Variants in FGF14 observed in about 807,000 individuals in gnomAD.
FGF14 encodes the protein fibroblast growth factor 14.
A neutral mutation model predicts 25.5 loss-of-function variants in FGF14; 5 were observed. That is an observed-to-expected ratio of 0.20 (90% CI 0.10 to 0.41). The LOEUF (loss-of-function observed/expected upper bound fraction) is 0.41. Ranked by LOEUF, FGF14 falls within the 10% of genes least tolerant of loss-of-function variation. The pLI, the probability that FGF14 is intolerant of heterozygous loss-of-function variation, is 1.00. For missense variants in FGF14, 222 were observed against 320.1 expected (o/e 0.69, Z 2.34); for synonymous variants, 138 against 118.3 (o/e 1.17, Z -1.08).
chr13:102,226,852 C>T (rs566154722), intron 1 of FGF14, among the ~76,000 whole-genome samples: 1 of 152,108 alleles, frequency 6.6e-6, no homozygotes, highest in Non-Finnish European at 1.5e-5. Context: ...TTTAACCACA[C>T]ATTCTACCTT....
rs972331522 is a variant in FGF14, at chr13:101,714,282, G to T, written c.*8549C>A. 7 of 622,760 alleles carry T rather than the reference G, an allele frequency of 1.1e-5. No homozygotes were observed. The highest frequency in any genetic ancestry group is 2.0e-5 in the Non-Finnish European group (7 of 346,664). 38.6% of individuals were successfully genotyped at this position (622,760 alleles called of 1,614,324 possible). On this transcript the variant is annotated 3_prime_UTR_variant, in exon 5 of 5. Coordinates refer to ENST00000376143, the MANE Select transcript of FGF14 (RefSeq NM_004115.4). Reference sequence around the variant, plus strand: ...GGGTGACCTTTATGAATTACAGTAAGTAAAGCTCCCCTCTGAGAAACCAGC... The same window carrying T: ...GGGTGACCTTTATGAATTACAGTAATTAAAGCTCCCCTCTGAGAAACCAGC...
rs1367750076 is a variant in FGF14, at chr13:102,378,623, C to CTATA, written c.208+22847_208+22848insTATA. Among the ~76,000 whole-genome samples, 175 of 124,342 alleles carry CTATA rather than the reference C, an allele frequency of 1.4e-3. 3 individuals are homozygous for CTATA. The highest frequency in any genetic ancestry group is 5.0e-3 in the African/African-American group (127 of 25,248). The allele number at this position is 124,342 out of a possible 152,430, so 81.6% of individuals were successfully genotyped here. ...TCTATCTATCTATCTATCTATCTATCTATCTATCTATATATATATATATCT... is the reference window on the plus strand; with the variant it reads ...TCTATCTATCTATCTATCTATCTATCTATATATCTATCTATATATATATATATCT... On this transcript the variant is annotated intron_variant, in intron 1 of 4. Transcript: ENST00000376131.
chr13:101,796,893 A>T (rs758272999), intron 3 of FGF14, among the ~76,000 whole-genome samples: 24 of 152,000 alleles, frequency 1.6e-4, no homozygotes, highest in Non-Finnish European at 2.5e-4. Flanking sequence ...CATTCAAGCT[A>T]TTGCTCTACT....
At chr13:102,275,262 TTCTC>T (rs56028235) in intron 1 of FGF14, among the ~76,000 whole-genome samples, 29 of 68,948 alleles carry the variant, frequency 4.2e-4, no homozygotes, top group South Asian at 2.2e-3. Flanking sequence ...CTCTCTCTCT[TTCTC>T]TCTCTCTCTC....
chr13:101,977,334 GA>G (rs199908938), intron 1 of FGF14, among the ~76,000 whole-genome samples: 3 of 149,992 alleles, frequency 2.0e-5, no homozygotes, highest in African/African-American at 4.9e-5. Flanking sequence ...GAGTTGCAGT[GA>G]AAAAAAAATG....
intron 1 of FGF14, chr13:102,045,857 T>G (rs1004053187): frequency 1.3e-5 from 2 of 152,624 alleles, no homozygotes; most frequent in African/African-American, 4.8e-5. Context: ...ACTACAGCAT[T>G]AAGCATGTCA....
intron 1 of FGF14, among the ~76,000 whole-genome samples, chr13:102,020,318 G>A (rs1287986380): frequency 2.0e-5 from 3 of 152,174 alleles, no homozygotes; most frequent in Admixed American, 1.3e-4. Flanking sequence ...GGAGGCTGAG[G>A]CGGGCAGATC....
intron 3 of FGF14, among the ~76,000 whole-genome samples, chr13:101,766,559 G>A (rs1006792004): frequency 6.6e-6 from 1 of 152,198 alleles, no homozygotes; most frequent in Non-Finnish European, 1.5e-5. Flanking sequence ...GTGTTGAACA[G>A]CATCAAAAGC....
chr13:102,059,141 C>G (rs559214396), intron 1 of FGF14, among the ~76,000 whole-genome samples: 4 of 152,012 alleles, frequency 2.6e-5, no homozygotes, highest in Non-Finnish European at 4.4e-5. Context: ...AGACCTAGAG[C>G]AGATTGAATG....
At chr13:102,345,956 T>A (rs935419834) in intron 1 of FGF14, among the ~76,000 whole-genome samples, 1 of 152,156 alleles carries the variant, frequency 6.6e-6, no homozygotes, top group Non-Finnish European at 1.5e-5. Flanking sequence ...AGGACAACAA[T>A]GGGGAGAGTT....
intron 1 of FGF14, among the ~76,000 whole-genome samples, chr13:101,905,901 T>C (rs963303763): frequency 1.3e-5 from 2 of 152,136 alleles, no homozygotes; most frequent in African/African-American, 2.4e-5. Flanking sequence ...TATGAGTTCC[T>C]GGAAAAATTC....
At chr13:102,098,114 C>T (rs1024411198) in intron 1 of FGF14, among the ~76,000 whole-genome samples, 2 of 152,144 alleles carry the variant, frequency 1.3e-5, no homozygotes, top group Non-Finnish European at 2.9e-5. Context: ...TTGGACCTGC[C>T]CTAATTCTGC....
At chr13:101,866,095 C>A (rs997687447) in intron 3 of FGF14, among the ~76,000 whole-genome samples, 2 of 151,986 alleles carry the variant, frequency 1.3e-5, no homozygotes, top group South Asian at 4.2e-4. Context: ...AAAATTAATA[C>A]CCATAATATA....
chr13:102,200,545 A>C (rs900425626), intron 1 of FGF14, among the ~76,000 whole-genome samples: 1 of 152,162 alleles, frequency 6.6e-6, no homozygotes, highest in Non-Finnish European at 1.5e-5. Flanking sequence ...TATATGTTAG[A>C]AAAACGTCAA....
chr13:101,744,257 A>G (rs534340249), intron 3 of FGF14, among the ~76,000 whole-genome samples: 1 of 152,074 alleles, frequency 6.6e-6, no homozygotes, highest in East Asian at 1.9e-4. Flanking sequence ...TAAAAATCCT[A>G]CAGATCTACA....
chr13:101,937,171 T>G (rs557955335), intron 1 of FGF14, among the ~76,000 whole-genome samples: 10 of 152,218 alleles, frequency 6.6e-5, no homozygotes, highest in Non-Finnish European at 1.3e-4. Flanking sequence ...CTATGTCTTT[T>G]TATGGATTAG....
chr13:101,924,759 G>T (rs1402135828), intron 1 of FGF14, among the ~76,000 whole-genome samples: 1 of 152,138 alleles, frequency 6.6e-6, no homozygotes, highest in African/African-American at 2.4e-5. Flanking sequence ...TTAAATGATT[G>T]CCAAAGTTAC....
chr13:101,983,923 A>G lies in FGF14; in HGVS notation c.209-108627T>C, dbSNP rs1261835792. Among the ~76,000 whole-genome samples, 3 of 152,142 alleles carry G rather than the reference A, an allele frequency of 2.0e-5. No individual in the cohort carries two copies. The East Asian group carries it at 5.8e-4, about 29-fold the overall frequency. On this transcript the variant is annotated intron_variant, in intron 1 of 4. Coordinates refer to the FGF14 transcript ENST00000376131. The stretch of plus-strand genomic sequence containing the variant: ...TTGGGGGCTAGTGGCTATGCAGGCA[A>G]CAGTGTTTCCTAATGATCTGGGATC...
At chr13:102,078,494 T>C (rs1469390401) in intron 1 of FGF14, among the ~76,000 whole-genome samples, 1 of 152,100 alleles carries the variant, frequency 6.6e-6, no homozygotes, top group African/African-American at 2.4e-5. Flanking sequence ...GACTAAAAAG[T>C]GTGATTATAA....
Sources: allele counts gnomAD v4.1 joint callset (sites outside exome capture counted in the v4.1 genomes callset), GRCh38; gene constraint gnomAD v4.1.1; transcripts MANE v1.5; gene names NCBI Gene and HGNC (gene_info 2026-07-23, HGNC 2026-07-21).